COQ7: variants seen among roughly 807,000 people sequenced by gnomAD.
COQ7 encodes NADPH-dependent 3-demethoxyubiquinone 3-hydroxylase, mitochondrial.
A neutral mutation model predicts 25.0 loss-of-function variants in COQ7; 21 were observed. The observed-to-expected ratio is 0.84, with a 90% CI of 0.60 to 1.21. COQ7 has a LOEUF of 1.21. Ranked by LOEUF, COQ7 falls within the 50% of genes most tolerant of loss-of-function variation. The pLI is 0.00. For missense variants in COQ7, 311 were observed against 296.2 expected (o/e 1.05, Z -0.37); for synonymous variants, 125 against 112.4 (o/e 1.11, Z -0.71).
chr16:19,080,175 T>G (rs554603063), downstream of COQ7: 2 of 152,278 alleles, frequency 1.3e-5, no homozygotes, highest in African/African-American at 4.8e-5. Flanking sequence ...GTCAAACTAG[T>G]TAAGATTGGA....
intron 1 of COQ7, chr16:19,067,959 AC>A (rs1041661440): frequency 3.2e-5 from 45 of 1,425,664 alleles, no homozygotes; most frequent in East Asian, 1.8e-4. Flanking sequence ...TTCGGCAGTG[AC>A]GCCTGGGGAG....
Position 19,067,689 on chromosome 16 carries a change from G to GCGT in COQ7, c.26_27insGTC (p.Ala9_Pro10insSer). 6.2e-7 allele frequency: 1 copy of GCGT among 1,609,780 alleles called. No homozygotes were observed. The highest frequency in any genetic ancestry group is 8.5e-7 in the Non-Finnish European group (1 of 1,178,426). ...AATGAGTTGCGCCGGGGCGGCGGCG[G>GCGT]CTCCCCGCCTTTGGCGGCTGCGCCC... On this transcript the variant is annotated inframe_insertion, in exon 1 of 6. Transcript: ENST00000321998.
Position 19,071,909 on chromosome 16 carries a change from A to G in COQ7, c.74-19A>G, listed in dbSNP as rs1962576479. 1 of 1,614,026 alleles carries G rather than the reference A, an allele frequency of 6.2e-7. No individual in the cohort carries two copies. The highest frequency in any genetic ancestry group is 8.5e-7 in the Non-Finnish European group (1 of 1,179,850). ...GGATTTTACCTGATCATAACGAAGA[A>G]TAAACACTTGCATTTCAGCTTATGG... On this transcript the variant is annotated intron_variant, in intron 1 of 5. Transcript: ENST00000321998.
chr16:19,077,813 C>T (rs549299190), intron 5 of COQ7, among the ~76,000 whole-genome samples: 10 of 152,004 alleles, frequency 6.6e-5, no homozygotes, highest in East Asian at 5.8e-4. Context: ...AGGCTGGTCT[C>T]GAACTCCTGA....
chr16:19,074,356 C>T (rs1036626217), intron 3 of COQ7, among the ~76,000 whole-genome samples: 4 of 151,754 alleles, frequency 2.6e-5, no homozygotes, highest in African/African-American at 9.7e-5. Context: ...AAACCCCCGA[C>T]TCTATTAAAA....
chr16:19,069,196 C>CT (rs1962417864), intron 1 of COQ7, among the ~76,000 whole-genome samples: 1 of 152,224 alleles, frequency 6.6e-6, no homozygotes, highest in Non-Finnish European at 1.5e-5. Flanking sequence ...CTCAATTTTA[C>CT]TTTAAAGTAT....
intron 3 of COQ7, among the ~76,000 whole-genome samples, chr16:19,075,180 T>C (rs1321895599): frequency 6.7e-6 from 1 of 149,996 alleles, no homozygotes; most frequent in Non-Finnish European, 1.5e-5. Flanking sequence ...GATGAGGACA[T>C]GTGGCAATAC....
intron 1 of COQ7, among the ~76,000 whole-genome samples, chr16:19,070,921 A>G (rs1218334656): frequency 6.6e-6 from 1 of 152,216 alleles, no homozygotes; most frequent in Non-Finnish European, 1.5e-5. Context: ...TTACTCTAAT[A>G]TAAGGCTCAG....
chr16:19,077,589 G>GTTTTTTTTTTTTTT (rs1413837387), intron 5 of COQ7, among the ~76,000 whole-genome samples: 3 of 18,608 alleles, frequency 1.6e-4, no homozygotes, highest in South Asian at 2.3e-3. Flanking sequence ...TTCCCCAGAA[G>GTTTTTTTTTTTTTT]CTTTTTTTTT....
chr16:19,070,030 T>G (rs1168560928), intron 1 of COQ7, among the ~76,000 whole-genome samples: 1 of 150,740 alleles, frequency 6.6e-6, no homozygotes, highest in Non-Finnish European at 1.5e-5. Context: ...GCAGTCCACC[T>G]GCCTCAGCTT....
chr16:19,068,254 G>A, intron 1 of COQ7: 1 of 996,598 alleles, frequency 1.0e-6, no homozygotes, highest in South Asian at 4.2e-5. Context: ...ACTGTAAACT[G>A]TGAAAGCCAT....
chr16:19,069,283 A>C (rs901864069), intron 1 of COQ7, among the ~76,000 whole-genome samples: 5 of 152,232 alleles, frequency 3.3e-5, no homozygotes, highest in African/African-American at 1.2e-4. Flanking sequence ...TGAGCATAAC[A>C]GAATAAGACT....
Position 19,072,116 on chromosome 16 carries a change from T to G in COQ7, c.252+10T>G, listed in dbSNP as rs1384205314. ...CGGGCCAGTCATTCAGGTGGGTGCT[T>G]CTTCATCTCCCTCACCCTGGTCTAC... On this transcript the variant is annotated intron_variant, in intron 2 of 5. Coordinates refer to ENST00000321998, the MANE Select transcript of COQ7 (RefSeq NM_016138.5). 5.0e-6 allele frequency: 8 copies of G among 1,614,004 alleles called. No individual in the cohort carries two copies. The highest frequency in any genetic ancestry group is 1.7e-4 in the Middle Eastern group (1 of 6,022).
intron 5 of COQ7, 33 bp from the exon 6 acceptor site, chr16:19,078,048 C>G (rs543887147): frequency 6.4e-7 from 1 of 1,557,778 alleles, no homozygotes; most frequent in African/African-American, 1.4e-5. Flanking sequence ...GAGCACATAA[C>G]ATGTTTCTTT....
In COQ7 at chr16:19,073,966, T is replaced by A. The variant is rs780110291; in HGVS notation, c.298T>A (p.Leu100Met). Reference protein sequence around the residue: ...EKDHLKKFNELMVTFRVRPTV... With the variant: ...EKDHLKKFNEMMVTFRVRPTV... ...GGACCATTTGAAAAAGTTCAATGAGTTGATGGTTACGTTCAGGGTCCGGCC... is the reference window on the plus strand; with the variant it reads ...GGACCATTTGAAAAAGTTCAATGAGATGATGGTTACGTTCAGGGTCCGGCC... The change falls in exon 3 of 6, where the codon TTG (leucine) becomes ATG (methionine). Residue 100 changes from leucine (L) to methionine (M), a missense_variant. Coordinates refer to ENST00000321998, the MANE Select transcript of COQ7 (RefSeq NM_016138.5). The A allele has an allele frequency of 6.2e-7, 1 of 1,613,744 alleles. No individual in the cohort carries two copies. Among genetic ancestry groups the A allele is most frequent in the Non-Finnish European group, 8.5e-7 (1 of 1,179,924 alleles).
rs946475941 is a variant in COQ7 at position 19,078,819 on chromosome 16, A to G, written c.*661A>G. ...ACAGGAATCTTTAGGAGAAAAAACA[A>G]TTTGGTTTACTGATAACAAAAGATA... On this transcript the variant is annotated 3_prime_UTR_variant, in exon 6 of 6. Transcript: ENST00000321998. 2.6e-5 allele frequency: 4 copies of G among 152,164 alleles called. No individual in the cohort carries two copies. Among genetic ancestry groups the G allele is most frequent in the African/African-American group, 7.2e-5 (3 of 41,430 alleles). 9.4% of individuals were successfully genotyped at this position (152,164 alleles called of 1,614,324 possible). A position where few individuals can be genotyped will look rare whatever the true frequency, so the allele number is the denominator to read the frequency against.
chr16:19,071,856 C>G, intron 1 of COQ7, 72 bp from the exon 2 acceptor site: 4 of 1,575,536 alleles, frequency 2.5e-6, no homozygotes, highest in Non-Finnish European at 3.5e-6. Flanking sequence ...CCAAAGTGCC[C>G]TTTCTGCTGT....
At chr16:19,074,545 C>CA (rs1170954172) in intron 3 of COQ7, among the ~76,000 whole-genome samples, 146 of 150,066 alleles carry the variant, frequency 9.7e-4, no homozygotes, top group African/African-American at 2.8e-3. Flanking sequence ...CAAAACAAAA[C>CA]AAAAAAAAAC....
chr16:19,082,759 TC>T (rs1963117512), downstream of COQ7, among the ~76,000 whole-genome samples: 3 of 47,608 alleles, frequency 6.3e-5, no homozygotes, highest in Non-Finnish European at 1.9e-4. Flanking sequence ...AGAGTGAGAC[TC>T]TGTCTAAAAA....
Sources: allele counts gnomAD v4.1 joint callset (sites outside exome capture counted in the v4.1 genomes callset), GRCh38; gene constraint gnomAD v4.1.1; transcripts MANE v1.5; gene names NCBI Gene and HGNC (gene_info 2026-07-23, HGNC 2026-07-21).